Variants in SGIP1 observed in about 807,000 individuals in gnomAD.
SGIP1 encodes the protein SH3GL interacting endocytic adaptor 1.
A neutral mutation model predicts 107.5 loss-of-function variants in SGIP1; 38 were observed. The observed-to-expected ratio is 0.35, with a 90% CI of 0.27 to 0.46. The LOEUF is 0.46. Ranked by LOEUF, SGIP1 falls within the 20% of genes least tolerant of loss-of-function variation. SGIP1 has a pLI of 1.00. For synonymous variants in SGIP1, 365 were observed against 366.1 expected, an observed-to-expected ratio of 1.00 and a Z score of 0.03; for missense variants, 929 against 1,019.5, an observed-to-expected ratio of 0.91 and a Z score of 1.21.
intron 1 of SGIP1, among the ~76,000 whole-genome samples, chr1:66,552,783 C>CT (rs1035446271): frequency 3.3e-5 from 5 of 151,992 alleles, no homozygotes; most frequent in African/African-American, 7.2e-5. Flanking sequence ...AATTAATCTT[C>CT]TTTTTTTTGT....
chr1:66,649,103 A>G (rs1415364527), intron 7 of SGIP1, among the ~76,000 whole-genome samples: 2 of 152,178 alleles, frequency 1.3e-5, no homozygotes, highest in Non-Finnish European at 2.9e-5. Flanking sequence ...ACCTAACAGC[A>G]TACTGTGTTT....
intron 11 of SGIP1, among the ~76,000 whole-genome samples, chr1:66,672,499 T>A (rs2084069012): frequency 6.6e-6 from 1 of 152,182 alleles, no homozygotes; most frequent in Admixed American, 6.5e-5. Context: ...AAGACTGCTA[T>A]TTCTATTTTG....
chr1:66,584,322 T>C (rs10127994), intron 1 of SGIP1, among the ~76,000 whole-genome samples: 28,502 of 151,984 alleles, frequency 0.19, 3,132 homozygotes, highest in African/African-American at 0.31. Context: ...GATTCTCCAA[T>C]ACCTAGATAA....
chr1:66,555,748 C>G (rs1049512297), intron 1 of SGIP1, among the ~76,000 whole-genome samples: 6 of 152,084 alleles, frequency 3.9e-5, no homozygotes, highest in Non-Finnish European at 8.8e-5. Context: ...AATCCTAGCT[C>G]TGGCCATATC....
At chr1:66,587,344 T>G (rs1419289606) in intron 1 of SGIP1, among the ~76,000 whole-genome samples, 1 of 149,954 alleles carries the variant, frequency 6.7e-6, no homozygotes, top group Non-Finnish European at 1.5e-5. Context: ...TAGTCTCACA[T>G]GTCCTTAAGG....
At chr1:66,693,277 A>T (rs1049863035) in intron 17 of SGIP1, among the ~76,000 whole-genome samples, 3 of 151,164 alleles carry the variant, frequency 2.0e-5, no homozygotes, top group Non-Finnish European at 4.4e-5. Flanking sequence ...TAAATAAATA[A>T]ATAAATAAAA....
In SGIP1 at chr1:66,635,947, C is replaced by G. The variant is rs752632250; in HGVS notation, c.103C>G (p.Pro35Ala). Residue 35 changes from proline to alanine, a missense_variant, in exon 4 of 25, where the codon CCC becomes GCC. Around this residue, in one of 2 missense-constraint regions of SGIP1, gnomAD observed 588 missense variants for 588.6 expected, o/e 1.00. Transcript: ENST00000371037. Reference protein sequence around the residue: ...TGSPDRDGIQPSPHEPPYNSK... With the variant: ...TGSPDRDGIQASPHEPPYNSK... ...ACATGAAAACAATCAATTCCAGCAG[C>G]CCAGCCCACACGAACCACCCTACAA... The G allele has an allele frequency of 6.2e-7, 1 of 1,613,788 alleles. No individual in the cohort carries two copies. The highest frequency in any genetic ancestry group is 1.1e-5 in the South Asian group (1 of 91,034).
chr1:66,652,771 G>GC (rs1256334869), intron 7 of SGIP1, among the ~76,000 whole-genome samples: 1 of 152,108 alleles, frequency 6.6e-6, no homozygotes, highest in Non-Finnish European at 1.5e-5. Flanking sequence ...AGTCATCAGT[G>GC]GAGGAGGTGA....
chr1:66,686,806 A>T (rs1300851410), intron 15 of SGIP1, among the ~76,000 whole-genome samples: 4 of 152,268 alleles, frequency 2.6e-5, no homozygotes, highest in Non-Finnish European at 4.4e-5. Context: ...TTAACTTTTC[A>T]ATGAACAACG....
At chr1:66,636,126 A>G in intron 4 of SGIP1, 111 bp downstream of exon 4, 1 of 990,136 alleles carries the variant, frequency 1.0e-6, no homozygotes, top group South Asian at 1.6e-5. Context: ...TCCATTTAAG[A>G]AAACTCTTAG....
At position 66,555,013 on chromosome 1, in the gene SGIP1, C is replaced by G. The variant is rs148207560; in HGVS notation, c.10+20645C>G. Among the ~76,000 whole-genome samples the G allele has an allele frequency of 2.5e-3, 375 of 152,254 alleles. 1 individual carries two copies. Among genetic ancestry groups the G allele is most frequent in the African/African-American group, 8.2e-3 (342 of 41,556 alleles). On this transcript the variant is annotated intron_variant, in intron 1 of 24. Transcript: ENST00000371037. ...GAACATTAAATCATCTTTCATTCTT[C>G]TTTCTCCTTTATCTCATAAGTTCAG...
rs561385403 is a variant in SGIP1, at chr1:66,686,976, G to T, written c.1316-2172G>T. ...AAATACCTTGTAAGGTAGAAACAAG[G>T]CCTCACTGTTTAAAACAAGGAAGCT... On this transcript the variant is annotated intron_variant, in intron 15 of 24. Transcript: ENST00000371037. Among the ~76,000 whole-genome samples the T allele has an allele frequency of 3.3e-5, 5 of 152,238 alleles. No homozygotes were observed. The East Asian group carries it at 9.6e-4, about 29-fold the overall frequency.
In SGIP1 at chr1:66,682,032, G is replaced by A. The variant is rs2086831774; in HGVS notation, c.978G>A (p.Glu326=). ...CATCCCCGGAACATGTTACTCCGGA[G>A]TTGACTCCAAGGGAAAAAGTGGTGT... The part of the protein sequence containing the change: ...SDTSPEHVTP[E]LTPREKVVSP... The change falls in exon 15 of 25, where the codon GAG becomes GAA. Residue 326 remains glutamate, a synonymous_variant. Transcript: ENST00000371037. The A allele has an allele frequency of 6.2e-7, 1 of 1,614,206 alleles. No homozygotes were observed.
chr1:66,681,874 G>C lies in SGIP1; in HGVS notation c.820G>C (p.Asp274His). Residue 274 changes from aspartate to histidine, a missense_variant, in exon 15 of 25, where the codon GAC becomes CAC. Asp to His is a moderately conservative substitution (Grantham distance 81, BLOSUM62 -1). Around this residue, in one of 2 missense-constraint regions of SGIP1, gnomAD observed 588 missense variants for 588.6 expected, o/e 1.00. Transcript: ENST00000371037. ...GSPLTIGPGN[D>H]QSATEVKIEK... Reference sequence around the variant, plus strand: ...ATCAACTACTTTAACCACAGGAAATGACCAGTCAGCCACAGAGGTCAAAAT... The same window carrying C: ...ATCAACTACTTTAACCACAGGAAATCACCAGTCAGCCACAGAGGTCAAAAT... 2 of 1,610,156 alleles carry C rather than the reference G, an allele frequency of 1.2e-6. No individual in the cohort carries two copies. Among genetic ancestry groups the C allele is most frequent in the Non-Finnish European group, 1.7e-6 (2 of 1,177,612 alleles).
At chr1:66,569,508 T>G (rs1217417327) in intron 1 of SGIP1, among the ~76,000 whole-genome samples, 1 of 151,968 alleles carries the variant, frequency 6.6e-6, no homozygotes, top group Admixed American at 6.6e-5. Context: ...TTTTTCTTCT[T>G]TAGCCTGTTG....
At position 66,679,624 on chromosome 1, in the gene SGIP1, G is replaced by A. The variant is rs1465026051; in HGVS notation, c.740-54G>A. 12 of 1,549,986 alleles carry A rather than the reference G, an allele frequency of 7.7e-6. No individual in the cohort carries two copies. In the South Asian group the frequency reaches 1.3e-4, roughly 17 times the overall value. ...AAATCCTGCTTATTTAAAGTGTATT[G>A]TATGACTTAGGAAGCACATGACCAA... On this transcript the variant is annotated intron_variant, in intron 13 of 24. Coordinates refer to ENST00000371037, the MANE Select transcript of SGIP1 (RefSeq NM_032291.4).
At position 66,560,571 on chromosome 1, in the gene SGIP1, G is replaced by A. The variant is rs76247363; in HGVS notation, c.10+26203G>A. Among the ~76,000 whole-genome samples the A allele has an allele frequency of 2.3e-3, 349 of 152,142 alleles. 1 individual carries two copies. Among genetic ancestry groups the A allele is most frequent in the African/African-American group, 8.3e-3 (344 of 41,544 alleles). On this transcript the variant is annotated intron_variant, in intron 1 of 24. Coordinates refer to ENST00000371037, the MANE Select transcript of SGIP1 (RefSeq NM_032291.4). ...AGGTTTCTTAATAACATTCCTGGGA[G>A]ACCCAGTGAACTGCCAAAAACTACT...
chr1:66,600,821 A>G (rs1019075895), intron 1 of SGIP1, among the ~76,000 whole-genome samples: 1 of 152,218 alleles, frequency 6.6e-6, no homozygotes, highest in Non-Finnish European at 1.5e-5. Context: ...TTTGCAAACT[A>G]GAAAACTCAT....
chr1:66,737,417 G>C (rs181683465), intron 21 of SGIP1, among the ~76,000 whole-genome samples: 1 of 152,044 alleles, frequency 6.6e-6, no homozygotes, highest in Non-Finnish European at 1.5e-5. Context: ...CAAGGGCTGC[G>C]CACGGTGGCT....
Sources: allele counts gnomAD v4.1 joint callset (sites outside exome capture counted in the v4.1 genomes callset), GRCh38; gene constraint gnomAD v4.1.1; regional missense constraint gnomAD v4.1.1; transcripts MANE v1.5; gene names NCBI Gene and HGNC (gene_info 2026-07-23, HGNC 2026-07-21).